The following RBMS3 variants were observed in gnomAD, a reference collection of about 807,000 sequenced individuals.
RBMS3 encodes RNA binding motif single stranded interacting protein 3, also known as RNA-binding motif, single-stranded-interacting protein 3.
RBMS3 carries 27 observed loss-of-function variants against 66.8 expected under a neutral mutation model. That is an observed-to-expected ratio of 0.40 (90% CI 0.30 to 0.56). The LOEUF (loss-of-function observed/expected upper bound fraction) is 0.56, where lower values mean the gene tolerates loss of function less well. RBMS3 is among the 20% of genes least tolerant of loss of function. RBMS3 has a pLI of 0.40. For missense variants in RBMS3, 513 were observed against 549.5 expected (o/e 0.93, Z 0.66); for synonymous variants, 188 against 183.0 (o/e 1.03, Z -0.22).
rs201273006 is a variant in RBMS3 at position 29,884,472 on chromosome 3, C to T, written c.791+264C>T. Among the ~76,000 whole-genome samples, 74 of 75,732 alleles carry T rather than the reference C, an allele frequency of 9.8e-4. No individual in the cohort carries two copies. In the East Asian group the frequency reaches 0.016, roughly 16 times the overall value. The allele number at this position is 75,732 out of a possible 152,430, so 49.7% of individuals were successfully genotyped here. ...TCTCTCTCTCTCTCTCTCTCTCTCC[C>T]CCCCCGCTCCCTCCCTCCCTCCCTC... is the stretch of plus-strand genomic sequence containing the variant. On this transcript the variant is annotated intron_variant, in intron 8 of 14. Coordinates refer to ENST00000383767, the MANE Select transcript of RBMS3 (RefSeq NM_001003793.3).
At chr3:29,660,811 G>A (rs2050515235) in intron 4 of RBMS3, among the ~76,000 whole-genome samples, 1 of 152,102 alleles carries the variant, frequency 6.6e-6, no homozygotes, top group Admixed American at 6.6e-5. Flanking sequence ...TTTATTGTCA[G>A]CCTCCTATGC....
At chr3:29,969,444 G>GT (rs1289368326) in intron 12 of RBMS3, among the ~76,000 whole-genome samples, 3 of 152,220 alleles carry the variant, frequency 2.0e-5, no homozygotes, top group South Asian at 2.1e-4. Flanking sequence ...ATCACTACAT[G>GT]TTTTTTTCTT....
intron 6 of RBMS3, among the ~76,000 whole-genome samples, chr3:29,844,967 C>A (rs2058744030): frequency 6.6e-6 from 1 of 152,130 alleles, no homozygotes; most frequent in Admixed American, 6.5e-5. Context: ...GAAAAGGAGA[C>A]CACACCATCT....
intron 11 of RBMS3, among the ~76,000 whole-genome samples, chr3:29,938,349 A>G (rs1056875988): frequency 1.3e-5 from 2 of 151,968 alleles, no homozygotes; most frequent in South Asian, 4.1e-4. Context: ...AGTTTTAAGC[A>G]TATGATTTAT....
At chr3:29,996,069 G>T (rs1474116923) in intron 14 of RBMS3, among the ~76,000 whole-genome samples, 1 of 152,138 alleles carries the variant, frequency 6.6e-6, no homozygotes. Context: ...AAGGATGGAA[G>T]AAGATCTACC....
At chr3:29,768,305 A>G (rs950364981) in intron 6 of RBMS3, among the ~76,000 whole-genome samples, 2 of 151,968 alleles carry the variant, frequency 1.3e-5, no homozygotes, top group African/African-American at 4.8e-5. Context: ...TGATATGGTC[A>G]ATCAGTTTTC....
At chr3:29,738,090 A>G (rs944898420) in intron 4 of RBMS3, among the ~76,000 whole-genome samples, 4 of 152,198 alleles carry the variant, frequency 2.6e-5, no homozygotes, top group Non-Finnish European at 4.4e-5. Context: ...TAATAAAAAT[A>G]TCACAATCTA....
chr3:29,709,210 C>T (rs2149303458), intron 4 of RBMS3, among the ~76,000 whole-genome samples: 1 of 152,280 alleles, frequency 6.6e-6, no homozygotes, highest in East Asian at 1.9e-4. Flanking sequence ...CAACCTGCAG[C>T]CAACGAGTAA....
At chr3:29,703,939 A>G (rs958760874) in intron 4 of RBMS3, among the ~76,000 whole-genome samples, 1 of 152,150 alleles carries the variant, frequency 6.6e-6, no homozygotes, top group Non-Finnish European at 1.5e-5. Flanking sequence ...CAGTGGCACC[A>G]TTTGATTCTC....
intron 1 of RBMS3, among the ~76,000 whole-genome samples, chr3:29,287,444 A>G (rs1025442832): frequency 6.6e-6 from 1 of 152,142 alleles, no homozygotes; most frequent in Non-Finnish European, 1.5e-5. Context: ...AAAGAAAAGT[A>G]TTAGGCAATA....
chr3:29,963,477 G>A (rs561400244), intron 12 of RBMS3, among the ~76,000 whole-genome samples: 1 of 152,100 alleles, frequency 6.6e-6, no homozygotes, highest in Non-Finnish European at 1.5e-5. Flanking sequence ...ACCACCTTTG[G>A]GAAATGTAGC....
chr3:29,287,369 A>G (rs1287792956), intron 1 of RBMS3, among the ~76,000 whole-genome samples: 1 of 152,122 alleles, frequency 6.6e-6, no homozygotes, highest in East Asian at 1.9e-4. Flanking sequence ...TTGAAATTAT[A>G]AATTTTTTTT....
At chr3:29,759,968 C>T (rs191904247) in intron 5 of RBMS3, among the ~76,000 whole-genome samples, 1 of 152,000 alleles carries the variant, frequency 6.6e-6, no homozygotes, top group Non-Finnish European at 1.5e-5. Context: ...CTTTCAGAGA[C>T]GGGAGTCTCT....
At chr3:29,991,372 T>G in intron 14 of RBMS3, 163 bp downstream of exon 14, 1 of 1,155,860 alleles carries the variant, frequency 8.7e-7, no homozygotes, top group Non-Finnish European at 1.2e-6. Context: ...TTGGGCTAAC[T>G]TTGGGTGGAT....
rs987384805 is a variant in RBMS3, at chr3:29,785,302, A to C, written c.637+22313A>C. ...AGTGAACTGAATCCAACAGCTTATCAAAAAGATAATCCACCATTATCAAGT... is the reference window on the plus strand; with the variant it reads ...AGTGAACTGAATCCAACAGCTTATCCAAAAGATAATCCACCATTATCAAGT... On this transcript the variant is annotated intron_variant, in intron 6 of 14. Coordinates refer to ENST00000383767, the MANE Select transcript of RBMS3 (RefSeq NM_001003793.3). Among the ~76,000 whole-genome samples, 12 of 152,288 alleles carry C rather than the reference A, an allele frequency of 7.9e-5. No individual in the cohort carries two copies. In the South Asian group the frequency reaches 2.5e-3, roughly 32 times the overall value.
chr3:29,376,590 G>C (rs2038481841), intron 1 of RBMS3, among the ~76,000 whole-genome samples: 2 of 151,954 alleles, frequency 1.3e-5, no homozygotes, highest in Admixed American at 6.6e-5. Flanking sequence ...GACCAACATG[G>C]TGAAACTTCG....
At chr3:29,665,158 T>G (rs2050703089) in intron 4 of RBMS3, among the ~76,000 whole-genome samples, 1 of 152,212 alleles carries the variant, frequency 6.6e-6, no homozygotes, top group African/African-American at 2.4e-5. Context: ...ACCAGATTTC[T>G]GAAAGATAAA....
chr3:29,804,420 A>G (rs1223776361), intron 6 of RBMS3, among the ~76,000 whole-genome samples: 2 of 152,094 alleles, frequency 1.3e-5, no homozygotes, highest in African/African-American at 4.8e-5. Flanking sequence ...TTTTGAATAC[A>G]TGCCAAGTAA....
At chr3:29,821,852 C>T (rs2058083673) in intron 6 of RBMS3, among the ~76,000 whole-genome samples, 1 of 152,106 alleles carries the variant, frequency 6.6e-6, no homozygotes, top group Non-Finnish European at 1.5e-5. Flanking sequence ...TTGCTTCTAG[C>T]CACATCAGAT....
Sources: allele counts gnomAD v4.1 joint callset (sites outside exome capture counted in the v4.1 genomes callset), GRCh38; gene constraint gnomAD v4.1.1; transcripts MANE v1.5; gene names NCBI Gene and HGNC (gene_info 2026-07-23, HGNC 2026-07-21).